Variants in RASGRF1 observed in about 807,000 individuals in gnomAD.
RASGRF1 encodes Ras protein specific guanine nucleotide releasing factor 1.
In RASGRF1, 40 loss-of-function variants were observed where a neutral mutation model predicts 138.7. That is an observed-to-expected ratio of 0.29 (90% CI 0.22 to 0.38). The LOEUF (loss-of-function observed/expected upper bound fraction) is 0.38. RASGRF1 is among the 10% of genes least tolerant of loss of function. The probability of loss-of-function intolerance (pLI) is 1.00; values close to 1 mark genes in which losing one functional copy is unlikely to be tolerated. For missense variants in RASGRF1, 1,108 were observed against 1,650.4 expected (o/e 0.67, Z 5.69); for synonymous variants, 614 against 663.2 (o/e 0.93, Z 1.14).
In RASGRF1 at chr15:79,032,210, G is replaced by A. The variant is rs1567549933; in HGVS notation, c.1065C>T (p.Asp355=). The change falls in exon 7 of 27, where the codon GAC becomes GAT. Residue 355 remains aspartate (D), a synonymous_variant. Transcript: ENST00000558480. This position sits in a 1 kb window ranked among gnomAD's most constrained non-coding sequence, Gnocchi z 4.5. ...QILAHCKQNR[D]FDKLLKHYEA... ...CGTAGTGCTTCAGCAGCTTGTCGAAGTCACGGTTCTGCTTGCAGTGGGCCA... is the reference window on the plus strand; with the variant it reads ...CGTAGTGCTTCAGCAGCTTGTCGAAATCACGGTTCTGCTTGCAGTGGGCCA... The A allele has an allele frequency of 6.2e-7, 1 of 1,614,096 alleles. No individual in the cohort carries two copies. Among genetic ancestry groups the A allele is most frequent in the Non-Finnish European group, 8.5e-7 (1 of 1,179,980 alleles).
intron 26 of RASGRF1, among the ~76,000 whole-genome samples, chr15:78,963,011 G>A (rs970934051): frequency 9.9e-5 from 15 of 152,218 alleles, no homozygotes; most frequent in Non-Finnish European, 1.9e-4. Flanking sequence ...TGTGAGAGAA[G>A]AGCCTCCCTT....
intron 3 of RASGRF1, among the ~76,000 whole-genome samples, chr15:79,055,111 G>A (rs1374249125): frequency 6.6e-6 from 1 of 152,240 alleles, no homozygotes; most frequent in Admixed American, 6.5e-5. Context: ...AGGAGATCCA[G>A]TGGTGGAGGC....
At chr15:79,047,747 G>C (rs1049983719) in intron 4 of RASGRF1, among the ~76,000 whole-genome samples, 12 of 152,296 alleles carry the variant, frequency 7.9e-5, no homozygotes, top group Admixed American at 2.6e-4. Flanking sequence ...CACACACACA[G>C]AGTTGTTTTA....
Position 78,973,251 on chromosome 15 carries a change from G to A in RASGRF1, c.3612+52C>T. On this transcript the variant is annotated intron_variant, in intron 25 of 26. Coordinates refer to ENST00000558480, the MANE Select transcript of RASGRF1 (RefSeq NM_001145648.3). This position sits in a 1 kb window ranked among gnomAD's most constrained non-coding sequence, Gnocchi z 4.9. The stretch of plus-strand genomic sequence containing the variant: ...AGAGTGTGGGTGGGCCCCAGGTTGA[G>A]TCATCTGGGCTTCAACGCCCCCCTT... 1 of 1,426,006 alleles carries A rather than the reference G, an allele frequency of 7.0e-7. No individual in the cohort carries two copies. Among genetic ancestry groups the A allele is most frequent in the Non-Finnish European group, 9.7e-7 (1 of 1,029,504 alleles). 88.3% of individuals were successfully genotyped at this position (1,426,006 alleles called of 1,614,324 possible).
chr15:79,089,642 C>T (rs1332918111), intron 1 of RASGRF1, among the ~76,000 whole-genome samples: 1 of 152,256 alleles, frequency 6.6e-6, no homozygotes, highest in Admixed American at 6.5e-5. Context: ...GAGCCCACCA[C>T]CGCTCGATGG....
intron 3 of RASGRF1, among the ~76,000 whole-genome samples, chr15:79,053,253 G>GA (rs1027924220): frequency 1.6e-4 from 24 of 150,068 alleles, no homozygotes; most frequent in East Asian, 3.9e-4. Context: ...CGACAAGATC[G>GA]AAAAAAAAAG....
intron 26 of RASGRF1, among the ~76,000 whole-genome samples, chr15:78,965,792 A>G (rs2055631581): frequency 6.6e-6 from 1 of 152,252 alleles, no homozygotes; most frequent in African/African-American, 2.4e-5. Flanking sequence ...CAGAAGTTGC[A>G]GTGAGCCGAG....
chr15:78,997,881 C>A (rs1041303670), intron 19 of RASGRF1: 4 of 573,928 alleles, frequency 7.0e-6, no homozygotes, highest in South Asian at 2.0e-5. Context: ...CAAGGTCTGG[C>A]GCAGGGTGGG....
intron 1 of RASGRF1, 102 bp downstream of exon 1, chr15:79,090,121 G>A (rs536613881): frequency 7.1e-7 from 1 of 1,406,406 alleles, no homozygotes; most frequent in South Asian, 1.5e-5. Flanking sequence ...GGCGCCAAGA[G>A]TAGAGGGGCC....
chr15:79,085,853 G>T (rs2057972190), intron 1 of RASGRF1, among the ~76,000 whole-genome samples: 2 of 152,150 alleles, frequency 1.3e-5, no homozygotes, highest in South Asian at 4.2e-4. Flanking sequence ...TGACACCAAG[G>T]GCCAAAATGT....
chr15:78,993,398 T>G (rs1444960558), intron 20 of RASGRF1, among the ~76,000 whole-genome samples: 1 of 151,560 alleles, frequency 6.6e-6, no homozygotes, highest in African/African-American at 2.4e-5. Flanking sequence ...TGTGTGTGTG[T>G]GTTTGTGTGG....
chr15:79,088,927 C>T (rs1439079837), intron 1 of RASGRF1, among the ~76,000 whole-genome samples: 1 of 152,232 alleles, frequency 6.6e-6, no homozygotes, highest in Non-Finnish European at 1.5e-5. Context: ...TCCACACTTC[C>T]CAGTCCTCAG....
chr15:79,014,369 G>C (rs2056845476), intron 13 of RASGRF1, among the ~76,000 whole-genome samples: 1 of 152,228 alleles, frequency 6.6e-6, no homozygotes, highest in Non-Finnish European at 1.5e-5. Flanking sequence ...AGTGGATAAA[G>C]AAATTGTGTT....
rs970478278 is a variant in RASGRF1, at chr15:79,090,579, C to G, written c.-81G>C. 27 of 1,557,074 alleles carry G rather than the reference C, an allele frequency of 1.7e-5. No individual in the cohort carries two copies. The African/African-American group carries it at 3.5e-4, about 20-fold the overall frequency. ...CCCCGTCCGTGCGCGCTGCGCGCTG[C>G]CTCTCTCTGGCGCTCGCTCGCTCGC... On this transcript the variant is annotated 5_prime_UTR_variant, in exon 1 of 27. Transcript: ENST00000558480.
chr15:79,064,054 G>A (rs1464441339), intron 2 of RASGRF1, among the ~76,000 whole-genome samples: 1 of 152,182 alleles, frequency 6.6e-6, no homozygotes, highest in Non-Finnish European at 1.5e-5. Flanking sequence ...GAGAGGACTG[G>A]TCCATGGTAA....
At chr15:79,055,223 A>G (rs1799535973) in intron 3 of RASGRF1, among the ~76,000 whole-genome samples, 1 of 151,996 alleles carries the variant, frequency 6.6e-6, no homozygotes, top group South Asian at 2.1e-4. Context: ...CACTGGTGGC[A>G]CTCATCACTC....
chr15:79,080,597 C>T (rs1461529169), intron 1 of RASGRF1, among the ~76,000 whole-genome samples: 4 of 151,976 alleles, frequency 2.6e-5, no homozygotes, highest in Non-Finnish European at 5.9e-5. Context: ...GCTAAGGTTA[C>T]CAAAAATTCA....
At chr15:78,991,139 T>A (rs1028248181) in intron 21 of RASGRF1, among the ~76,000 whole-genome samples, 10 of 152,238 alleles carry the variant, frequency 6.6e-5, no homozygotes, top group African/African-American at 2.4e-4. Context: ...AACACACTGT[T>A]AGAGAATGCT....
At chr15:79,022,433 TC>T (rs1196791135) in intron 10 of RASGRF1, among the ~76,000 whole-genome samples, 2 of 151,080 alleles carry the variant, frequency 1.3e-5, no homozygotes, top group African/African-American at 4.9e-5. Flanking sequence ...AGAGCGAAAC[TC>T]CACCTCAAAA....
Sources: gnomAD v4.1 joint callset for allele counts (sites outside exome capture counted in the v4.1 genomes callset) on GRCh38, gnomAD v4.1.1 for gene constraint, Gnocchi (gnomAD v3.1) non-coding constraint, MANE v1.5 for transcripts, NCBI Gene and HGNC (gene_info 2026-07-23, HGNC 2026-07-21) for gene names.